PXT1: variants seen among roughly 807,000 people sequenced by gnomAD.
PXT1 encodes peroxisomal testis enriched protein 1, also known as peroxisomal testis-specific protein 1.
Under a neutral mutation model 11.0 loss-of-function variants are expected in PXT1, and 11 were observed. The ratio of observed to expected loss-of-function variants is 1.00; its 90% CI spans 0.63 to 1.66. The LOEUF (loss-of-function observed/expected upper bound fraction) is 1.66, where lower values mean the gene tolerates loss of function less well. Ranked by LOEUF, PXT1 falls within the 40% of genes most tolerant of loss-of-function variation. The pLI, the probability that PXT1 is intolerant of heterozygous loss-of-function variation, is 0.00. For missense variants in PXT1, 141 were observed against 155.5 expected, an observed-to-expected ratio of 0.91 and a Z score of 0.49; for synonymous variants, 43 against 51.4, an observed-to-expected ratio of 0.84 and a Z score of 0.70.
intron 1 of PXT1, among the ~76,000 whole-genome samples, chr6:36,441,539 C>A (rs1311217045): frequency 2.6e-5 from 4 of 152,098 alleles, no homozygotes; most frequent in Admixed American, 6.6e-5. Context: ...CAGGATTCTC[C>A]AATCTAGCTC....
At chr6:36,395,493 A>ATTTTTTTTTTTTTT (rs148553371) in intron 4 of PXT1, among the ~76,000 whole-genome samples, 1 of 73,312 alleles carries the variant, frequency 1.4e-5, no homozygotes, top group Non-Finnish European at 2.4e-5. Flanking sequence ...CAAACTTAGG[A>ATTTTTTTTTTTTTT]TTTTTTTTTT....
At chr6:36,433,748 CTGGGAGG>C (rs1030927294) in intron 2 of PXT1, among the ~76,000 whole-genome samples, 84 of 148,746 alleles carry the variant, frequency 5.6e-4, no homozygotes, top group Non-Finnish European at 1.0e-3. Flanking sequence ...TGGCATGAAC[CTGGGAGG>C]CAGAGATTGC....
chr6:36,432,028 G>A (rs569590593), intron 2 of PXT1, among the ~76,000 whole-genome samples: 3 of 152,120 alleles, frequency 2.0e-5, no homozygotes, highest in South Asian at 2.1e-4. Context: ...CCGAGATTGC[G>A]CCACTGCAAT....
chr6:36,428,471 C>G (rs988281655), intron 2 of PXT1, among the ~76,000 whole-genome samples: 1 of 150,838 alleles, frequency 6.6e-6, no homozygotes, highest in Non-Finnish European at 1.5e-5. Context: ...GATGTAGCTA[C>G]CAGGCGAGTT....
chr6:36,416,444 T>C (rs1256127662), intron 3 of PXT1, among the ~76,000 whole-genome samples: 13 of 152,138 alleles, frequency 8.5e-5, no homozygotes, highest in African/African-American at 3.1e-4. Context: ...GAGAAAAATA[T>C]GTATTTGACC....
intron 3 of PXT1, among the ~76,000 whole-genome samples, chr6:36,415,314 G>A (rs997431803): frequency 1.3e-4 from 20 of 152,130 alleles, no homozygotes; most frequent in Admixed American, 4.6e-4. Context: ...ATGGTGGCGC[G>A]TGCCTGTAAT....
intron 3 of PXT1, among the ~76,000 whole-genome samples, chr6:36,410,775 ACTCAT>A (rs1774361960): frequency 6.6e-6 from 1 of 151,946 alleles, no homozygotes; most frequent in Non-Finnish European, 1.5e-5. Context: ...CCAGAAACTA[ACTCAT>A]CTCCCTAAAG....
At chr6:36,437,596 C>T (rs542229097) in intron 2 of PXT1, among the ~76,000 whole-genome samples, 1 of 148,136 alleles carries the variant, frequency 6.8e-6, no homozygotes, top group African/African-American at 2.5e-5. Flanking sequence ...TCACTGCAAT[C>T]TCTGCCTCCT....
Position 36,390,563 on chromosome 6 carries a change from T to C in PXT1, c.*1207A>G, listed in dbSNP as rs1774051406. The C allele has an allele frequency of 6.6e-6, 1 of 152,212 alleles. No individual in the cohort carries two copies. Among genetic ancestry groups the C allele is most frequent in the South Asian group, 2.1e-4 (1 of 4,832 alleles). 9.4% of individuals were successfully genotyped at this position (152,212 alleles called of 1,614,324 possible). ...ATATGCACAGGGGTTTCATGCTCAA[T>C]AAAATAACAATATTTATTTCATTTT... On this transcript the variant is annotated 3_prime_UTR_variant, in exon 5 of 5. Transcript: ENST00000454782.
rs1185962905 is a variant in PXT1 at position 36,421,054 on chromosome 6, C to CAAA, written c.169+4857_169+4859dup. Among the ~76,000 whole-genome samples the CAAA allele has an allele frequency of 6.5e-3, 483 of 74,370 alleles. 10 individuals are homozygous for CAAA. The East Asian group carries it at 0.13, about 21-fold the overall frequency. 48.8% of individuals were successfully genotyped at this position (74,370 alleles called of 152,430 possible). The stretch of plus-strand genomic sequence containing the variant: ...TGGGCGACAGATAGAGACTCCGTCT[C>CAAA]AAAAAAAAAAAAAAAAGTATCTCGG... On this transcript the variant is annotated intron_variant, in intron 3 of 4. Coordinates refer to ENST00000454782, the MANE Select transcript of PXT1 (RefSeq NM_152990.4).
rs11294829 is a variant in PXT1 at position 36,436,113 on chromosome 6, C to CAAAAAAAAAAAAAAAAAAAAAAAAAAAA, written c.-10+2653_-10+2654insTTTTTTTTTTTTTTTTTTTTTTTTTTTT. Among the ~76,000 whole-genome samples the CAAAAAAAAAAAAAAAAAAAAAAAAAAAA allele has an allele frequency of 3.3e-5, 2 of 60,088 alleles. 1 individual carries two copies. The highest frequency in any genetic ancestry group is 6.7e-5 in the Non-Finnish European group (2 of 29,962). The allele number at this position is 60,088 out of a possible 152,430, so 39.4% of individuals were successfully genotyped here. On this transcript the variant is annotated intron_variant, in intron 2 of 4. Coordinates refer to ENST00000454782, the MANE Select transcript of PXT1 (RefSeq NM_152990.4). ...AAATTAATTAAAAAAAAAAGTAAGC[C>CAAAAAAAAAAAAAAAAAAAAAAAAAAAA]AAAAAAAAAAAAAAAAAAAGCCAGC...
chr6:36,398,216 T>A (rs919369834), intron 4 of PXT1, among the ~76,000 whole-genome samples: 2 of 152,138 alleles, frequency 1.3e-5, no homozygotes, highest in Non-Finnish European at 2.9e-5. Flanking sequence ...AAAAGATAGT[T>A]AATAACAAAT....
intron 4 of PXT1, chr6:36,393,156 G>T (rs187074596): frequency 1.2e-4 from 19 of 152,080 alleles, no homozygotes; most frequent in African/African-American, 3.9e-4. Flanking sequence ...TGTATTTTTA[G>T]TAGAGACAGG....
intron 3 of PXT1, among the ~76,000 whole-genome samples, chr6:36,407,172 C>T (rs969802423): frequency 1.3e-5 from 2 of 152,130 alleles, no homozygotes; most frequent in African/African-American, 4.8e-5. Context: ...CAATGTAAAA[C>T]AGATTGAGAG....
intron 1 of PXT1, among the ~76,000 whole-genome samples, chr6:36,439,657 A>C (rs1174053621): frequency 4.0e-5 from 6 of 149,374 alleles, no homozygotes; most frequent in East Asian, 2.0e-4. Flanking sequence ...AAAAAAAAAA[A>C]AAAAACAACT....
intron 3 of PXT1, among the ~76,000 whole-genome samples, chr6:36,402,746 G>A (rs1421467715): frequency 6.6e-6 from 1 of 152,072 alleles, no homozygotes; most frequent in Non-Finnish European, 1.5e-5. Flanking sequence ...TTGTTGAAAG[G>A]GAGGGACATA....
chr6:36,424,438 A>T lies in PXT1; in HGVS notation c.169+1476T>A, dbSNP rs548665160. 6.8e-3 allele frequency among the ~76,000 whole-genome samples: 1,025 copies of T among 150,670 alleles called. 5 individuals are homozygous for T. The highest frequency in any genetic ancestry group is 0.019 in the African/African-American group (796 of 41,022). On this transcript the variant is annotated intron_variant, in intron 3 of 4. Coordinates refer to ENST00000454782, the MANE Select transcript of PXT1 (RefSeq NM_152990.4). The stretch of plus-strand genomic sequence containing the variant: ...GGGCAGATCACGAGGTCAGGAGATC[A>T]AGACCATCCTGGCTAACACGGTGAA...
chr6:36,436,893 A>G (rs1055387233), intron 2 of PXT1, among the ~76,000 whole-genome samples: 2 of 152,196 alleles, frequency 1.3e-5, no homozygotes, highest in African/African-American at 2.4e-5. Flanking sequence ...AGTATGGGAT[A>G]TTTGATAAGT....
intron 3 of PXT1, among the ~76,000 whole-genome samples, chr6:36,402,135 C>G (rs200543268): frequency 1.3e-5 from 2 of 151,984 alleles, no homozygotes; most frequent in East Asian, 3.9e-4. Flanking sequence ...TATTTTTACC[C>G]ACTCTCCTTG....
Sources: gnomAD v4.1 joint callset for allele counts (sites outside exome capture counted in the v4.1 genomes callset) on GRCh38, gnomAD v4.1.1 for gene constraint, MANE v1.5 for transcripts, NCBI Gene and HGNC (gene_info 2026-07-23, HGNC 2026-07-21) for gene names.